EPB41L2: variants seen among roughly 807,000 people sequenced by gnomAD.
EPB41L2 encodes the protein band 4.1-like protein 2.
EPB41L2 carries 43 observed loss-of-function variants against 113.0 expected under a neutral mutation model. The ratio of observed to expected loss-of-function variants is 0.38; its 90% CI spans 0.30 to 0.49. The LOEUF (loss-of-function observed/expected upper bound fraction) is 0.49, where lower values mean the gene tolerates loss of function less well. Among genes scored for constraint, EPB41L2 ranks in the 20% least tolerant of loss-of-function variants. The pLI is 0.95. For missense variants in EPB41L2, 1,147 were observed against 1,223.4 expected, an observed-to-expected ratio of 0.94 and a Z score of 0.93; for synonymous variants, 442 against 436.7, an observed-to-expected ratio of 1.01 and a Z score of -0.15.
chr6:130,864,246 T>C (rs1783016925), intron 17 of EPB41L2, among the ~76,000 whole-genome samples: 1 of 152,222 alleles, frequency 6.6e-6, no homozygotes, highest in Non-Finnish European at 1.5e-5. Context: ...TATGATGTGA[T>C]GGTTTTGACT....
intron 1 of EPB41L2, among the ~76,000 whole-genome samples, chr6:131,015,545 T>C (rs140521468): frequency 3.3e-5 from 5 of 152,320 alleles, no homozygotes; most frequent in African/African-American, 1.2e-4. Flanking sequence ...GGGGAAGATT[T>C]ACTTCAAATC....
At chr6:130,981,337 A>C (rs1779338176) in intron 1 of EPB41L2, among the ~76,000 whole-genome samples, 1 of 152,158 alleles carries the variant, frequency 6.6e-6, no homozygotes, top group Non-Finnish European at 1.5e-5. Flanking sequence ...TTTTGTTTTC[A>C]TCATAGTGTG....
chr6:131,013,249 A>AAT (rs1275266345), intron 1 of EPB41L2, among the ~76,000 whole-genome samples: 3 of 142,002 alleles, frequency 2.1e-5, no homozygotes, highest in Non-Finnish European at 3.2e-5. Flanking sequence ...GAAAAAAAAA[A>AAT]ATATATATAT....
chr6:130,843,289 T>G, intron 19 of EPB41L2, among the ~76,000 whole-genome samples: 1 of 152,196 alleles, frequency 6.6e-6, no homozygotes, highest in Non-Finnish European at 1.5e-5. Context: ...CAGGTGTCTG[T>G]GAGAAATAAA....
In EPB41L2 at chr6:130,916,080, T is replaced by C. The variant is rs537265584; in HGVS notation, c.811-7217A>G. ...GTAGCCCTGTGTACTTTTATTATAG[T>C]TATACATTGAAAACACTGTTCTGAG... On this transcript the variant is annotated intron_variant, in intron 4 of 19. Coordinates refer to ENST00000337057, the MANE Select transcript of EPB41L2 (RefSeq NM_001431.4). 2.6e-5 allele frequency among the ~76,000 whole-genome samples: 4 copies of C among 152,342 alleles called. No homozygotes were observed. The South Asian group carries it at 8.3e-4, about 32-fold the overall frequency.
intron 1 of EPB41L2, among the ~76,000 whole-genome samples, chr6:130,974,615 A>G (rs1777702197): frequency 6.6e-6 from 1 of 151,758 alleles, no homozygotes; most frequent in Non-Finnish European, 1.5e-5. Flanking sequence ...TCAAACTCAT[A>G]TACCCACTTA....
chr6:130,942,146 G>A (rs1054591495), intron 3 of EPB41L2, among the ~76,000 whole-genome samples: 2 of 152,160 alleles, frequency 1.3e-5, no homozygotes, highest in African/African-American at 4.8e-5. Flanking sequence ...AAATACTAAT[G>A]ATAAATTCTG....
intron 1 of EPB41L2, among the ~76,000 whole-genome samples, chr6:130,981,817 T>G (rs905052876): frequency 1.3e-5 from 2 of 152,124 alleles, no homozygotes; most frequent in Non-Finnish European, 2.9e-5. Context: ...AATAAAAATA[T>G]AAATAAAATT....
At chr6:130,984,102 T>C (rs934030899) in intron 1 of EPB41L2, among the ~76,000 whole-genome samples, 3 of 152,166 alleles carry the variant, frequency 2.0e-5, no homozygotes, top group African/African-American at 7.2e-5. Flanking sequence ...CATAGGCCCA[T>C]ACAGGGTCAG....
intron 1 of EPB41L2, among the ~76,000 whole-genome samples, chr6:130,958,061 A>T (rs1014073233): frequency 1.1e-4 from 16 of 152,230 alleles, no homozygotes; most frequent in Admixed American, 9.8e-4. Flanking sequence ...ACGATGTGGT[A>T]AGTTCATGGG....
intron 1 of EPB41L2, among the ~76,000 whole-genome samples, chr6:131,032,348 T>G (rs1241237144): frequency 1.3e-5 from 2 of 152,164 alleles, no homozygotes; most frequent in Non-Finnish European, 1.5e-5. Context: ...ATGAAATAAT[T>G]TTGGTTCTTT....
chr6:131,048,151 AAAAAAAG>A (rs771781411), intron 1 of EPB41L2, among the ~76,000 whole-genome samples: 27,596 of 129,600 alleles, frequency 0.21, 2,855 homozygotes, highest in Non-Finnish European at 0.3. Flanking sequence ...AAAAAAAAAA[AAAAAAAG>A]AAAAAAAGAA....
intron 1 of EPB41L2, among the ~76,000 whole-genome samples, chr6:130,998,472 C>A (rs561456210): frequency 6.6e-6 from 1 of 151,814 alleles, no homozygotes; most frequent in Non-Finnish European, 1.5e-5. Context: ...AGGAAAAAAA[C>A]GAAGAGAAGG....
rs571724532 is a variant in EPB41L2, at chr6:130,860,811, G to C, written c.2911-2568C>G. On this transcript the variant is annotated intron_variant, in intron 18 of 19. Coordinates refer to ENST00000337057, the MANE Select transcript of EPB41L2 (RefSeq NM_001431.4). ...GGCCTCCCAAAGTGCTGGGATTACA[G>C]GCTTGAGCCACCGCGCCCGGCTCTT... 3.3e-5 allele frequency among the ~76,000 whole-genome samples: 5 copies of C among 152,202 alleles called. No individual in the cohort carries two copies. The East Asian group carries it at 9.7e-4, about 30-fold the overall frequency.
At chr6:130,962,381 G>A (rs1452422297) in intron 1 of EPB41L2, among the ~76,000 whole-genome samples, 4 of 152,170 alleles carry the variant, frequency 2.6e-5, no homozygotes, top group Non-Finnish European at 5.9e-5. Flanking sequence ...CAGAGTGCAA[G>A]TAAGTCCTTA....
At chr6:130,885,646 AATCT>A (rs1174260637) in intron 11 of EPB41L2, among the ~76,000 whole-genome samples, 1 of 152,156 alleles carries the variant, frequency 6.6e-6, no homozygotes, top group Non-Finnish European at 1.5e-5. Flanking sequence ...TTTATTTCTG[AATCT>A]ATCTATTGCA....
intron 1 of EPB41L2, among the ~76,000 whole-genome samples, chr6:130,993,432 CA>C (rs1360343689): frequency 4.6e-5 from 7 of 152,212 alleles, no homozygotes; most frequent in Admixed American, 3.9e-4. Context: ...AGCGTGCCAA[CA>C]AACAACACAA....
chr6:130,848,193 TCTCTCTCACACA>T (rs1258382945), intron 19 of EPB41L2, among the ~76,000 whole-genome samples: 74 of 111,730 alleles, frequency 6.6e-4, no homozygotes, highest in African/African-American at 3.3e-3. Flanking sequence ...TCTCTCTCTC[TCTCTCTCACACA>T]CACACACACA....
chr6:130,923,984 C>T (rs1803751989), intron 4 of EPB41L2, among the ~76,000 whole-genome samples: 1 of 152,118 alleles, frequency 6.6e-6, no homozygotes, highest in Non-Finnish European at 1.5e-5. Context: ...CCTCAACTCC[C>T]CCTCCCCCAG....
Sources: allele counts gnomAD v4.1 joint callset (sites outside exome capture counted in the v4.1 genomes callset), GRCh38; gene constraint gnomAD v4.1.1; transcripts MANE v1.5; gene names NCBI Gene and HGNC (gene_info 2026-07-23, HGNC 2026-07-21).